The following LRRK1 variants were observed in gnomAD, a reference collection of about 807,000 sequenced individuals.
The protein encoded by LRRK1 is leucine rich repeat kinase 1, also known as leucine-rich repeat serine/threonine-protein kinase 1.
In LRRK1, 113 loss-of-function variants were observed where a neutral mutation model predicts 209.1. That is an observed-to-expected ratio of 0.54 (90% confidence interval 0.46 to 0.63). The LOEUF (loss-of-function observed/expected upper bound fraction) is 0.63, where lower values mean the gene tolerates loss of function less well. Among genes scored for constraint, LRRK1 ranks in the 30% least tolerant of loss-of-function variants. LRRK1 has a pLI of 0.00. For synonymous variants in LRRK1, 1,144 were observed against 1,099.7 expected (o/e 1.04, Z -0.80); for missense variants, 2,284 against 2,632.2 (o/e 0.87, Z 2.89).
rs1251610090 is a variant in LRRK1, at chr15:101,077,450, T to C, written c.*8602T>C. On this transcript the variant is annotated 3_prime_UTR_variant, in exon 34 of 34. Coordinates refer to ENST00000388948, the MANE Select transcript of LRRK1 (RefSeq NM_024652.6). ...GAACTCTTAAATACATAATCTTTGC[T>C]GGCAGGACTATGCTGAACCTCCTTT... The C allele has an allele frequency of 1.3e-5, 2 of 152,242 alleles. No homozygotes were observed. The highest frequency in any genetic ancestry group is 2.4e-5 in the African/African-American group (1 of 41,458). 9.4% of individuals were successfully genotyped at this position (152,242 alleles called of 1,614,324 possible).
chr15:101,052,070 C>T, intron 24 of LRRK1, 110 bp downstream of exon 24: 1 of 1,303,546 alleles, frequency 7.7e-7, no homozygotes, highest in Non-Finnish European at 1.1e-6. Flanking sequence ...GGGCAGGTGC[C>T]CCGGCCATGG....
At chr15:101,028,251 C>T (rs555099412) in intron 19 of LRRK1, among the ~76,000 whole-genome samples, 1 of 152,230 alleles carries the variant, frequency 6.6e-6, no homozygotes, top group Non-Finnish European at 1.5e-5. Context: ...AGTACAGAAC[C>T]TTGTTTTATG....
At chr15:100,960,893 G>A (rs953582952) in intron 2 of LRRK1, among the ~76,000 whole-genome samples, 5 of 152,094 alleles carry the variant, frequency 3.3e-5, no homozygotes, top group Non-Finnish European at 5.9e-5. Flanking sequence ...TTTCCTCTCC[G>A]TTTTTTCCAT....
At chr15:100,944,933 CCT>C (rs1295509069) in intron 2 of LRRK1, among the ~76,000 whole-genome samples, 5 of 152,062 alleles carry the variant, frequency 3.3e-5, no homozygotes, top group Non-Finnish European at 7.4e-5. Flanking sequence ...TGATTTTTCC[CCT>C]CTTTTACACA....
intron 20 of LRRK1, chr15:101,043,673 C>G (rs530893381): frequency 6.6e-6 from 1 of 152,224 alleles, no homozygotes; most frequent in South Asian, 2.1e-4. Context: ...CAGGTCCTCA[C>G]CAAGGCTTAT....
At position 101,051,847 on chromosome 15, in the gene LRRK1, C is replaced by T. The variant is rs760991902; in HGVS notation, c.3576C>T (p.Asp1192=). The T allele has an allele frequency of 1.2e-6, 2 of 1,614,180 alleles. No individual in the cohort carries two copies. The highest frequency in any genetic ancestry group is 1.7e-5 in the Admixed American group (1 of 60,038). ...SEDVQYFDME[D]CVLTAIERDF... is the part of the protein sequence containing the mutation. ...ATGTGCAGTACTTCGACATGGAAGA[C>T]TGTGTCCTGACGGCCATCGAGCGGG... The change falls in exon 24 of 34, where the codon GAC becomes GAT. Residue 1192 remains aspartate (D), a synonymous_variant. Coordinates refer to ENST00000388948, the MANE Select transcript of LRRK1 (RefSeq NM_024652.6).
intron 4 of LRRK1, among the ~76,000 whole-genome samples, chr15:100,986,073 G>A (rs551541602): frequency 2.7e-4 from 41 of 152,286 alleles, no homozygotes; most frequent in African/African-American, 9.4e-4. Context: ...AGGCATGGTG[G>A]CACATGCCTA....
At chr15:100,990,917 C>T (rs2032129861) in intron 6 of LRRK1, among the ~76,000 whole-genome samples, 3 of 152,116 alleles carry the variant, frequency 2.0e-5, no homozygotes, top group Non-Finnish European at 2.9e-5. Context: ...AATTTTATTT[C>T]AGTATTCTCC....
chr15:101,013,116 GTC>G (rs2033351439), intron 10 of LRRK1, among the ~76,000 whole-genome samples: 1 of 151,566 alleles, frequency 6.6e-6, no homozygotes. Flanking sequence ...CAGGGAATGT[GTC>G]TGCTCGAGGT....
intron 32 of LRRK1, 105 bp from the exon 33 acceptor site, chr15:101,066,535 G>A (rs2036538587): frequency 2.0e-6 from 2 of 1,011,424 alleles, no homozygotes; most frequent in Non-Finnish European, 1.5e-6. Flanking sequence ...AGCAGAAACT[G>A]CATGTCTGTT....
chr15:100,984,963 C>T (rs2031792180), intron 4 of LRRK1, among the ~76,000 whole-genome samples: 3 of 152,272 alleles, frequency 2.0e-5, no homozygotes, highest in South Asian at 4.2e-4. Flanking sequence ...GCCCACGTTA[C>T]GTTTAATACT....
intron 33 of LRRK1, 119 bp from the exon 34 acceptor site, chr15:101,068,552 C>A: frequency 9.6e-7 from 1 of 1,041,108 alleles, no homozygotes; most frequent in Non-Finnish European, 1.4e-6. Flanking sequence ...GGCTGGCAAG[C>A]AGACACACTC....
Position 101,072,077 on chromosome 15 carries a change from T to G in LRRK1, c.*3229T>G, listed in dbSNP as rs2036829224. 1.3e-5 allele frequency: 2 copies of G among 152,166 alleles called. No homozygotes were observed. Among genetic ancestry groups the G allele is most frequent in the Non-Finnish European group, 2.9e-5 (2 of 68,036 alleles). The allele number at this position is 152,166 out of a possible 1,614,324, so 9.4% of individuals were successfully genotyped here. ...AGCTCCTGGCAGTTTTAAGCAGGATTATTAGATGATTCAGTCAACTTTACA... is the reference window on the plus strand; with the variant it reads ...AGCTCCTGGCAGTTTTAAGCAGGATGATTAGATGATTCAGTCAACTTTACA... On this transcript the variant is annotated 3_prime_UTR_variant, in exon 34 of 34. Coordinates refer to ENST00000388948, the MANE Select transcript of LRRK1 (RefSeq NM_024652.6).
intron 17 of LRRK1, among the ~76,000 whole-genome samples, chr15:101,026,782 G>T (rs992544960): frequency 3.3e-5 from 5 of 152,244 alleles, no homozygotes; most frequent in Non-Finnish European, 5.9e-5. Flanking sequence ...ATGGCTCTCA[G>T]ATTCCCTCGC....
chr15:101,024,235 A>G lies in LRRK1; in HGVS notation c.2068-568A>G, dbSNP rs1004249668. Among the ~76,000 whole-genome samples the G allele has an allele frequency of 1.3e-5, 2 of 152,232 alleles. No homozygotes were observed. The highest frequency in any genetic ancestry group is 4.8e-5 in the African/African-American group (2 of 41,460). On this transcript the variant is annotated intron_variant, in intron 15 of 33. Transcript: ENST00000388948. This position sits in a 1 kb window ranked among gnomAD's most constrained non-coding sequence, Gnocchi z 4.6. ...CCTCACAGAGATGACTCCTTTCTGT[A>G]GAAAACTGCAGCCTTAGCATCCAGG...
intron 2 of LRRK1, among the ~76,000 whole-genome samples, chr15:100,962,694 C>A (rs1269141830): frequency 2.7e-5 from 4 of 148,410 alleles, no homozygotes; most frequent in Non-Finnish European, 5.9e-5. Flanking sequence ...AAATAATAGA[C>A]TGTATGTATT....
chr15:100,940,314 C>T (rs1018496001), intron 2 of LRRK1, among the ~76,000 whole-genome samples: 1 of 152,166 alleles, frequency 6.6e-6, no homozygotes, highest in African/African-American at 2.4e-5. Context: ...GACTAGTATC[C>T]TGTCACTTCT....
At chr15:100,992,819 A>C (rs1567219964) in intron 6 of LRRK1, among the ~76,000 whole-genome samples, 1 of 152,050 alleles carries the variant, frequency 6.6e-6, no homozygotes, top group Non-Finnish European at 1.5e-5. Flanking sequence ...CAGGTGTGCA[A>C]CACCACACCA....
At chr15:100,933,174 C>T (rs1304137297) in intron 2 of LRRK1, among the ~76,000 whole-genome samples, 1 of 152,224 alleles carries the variant, frequency 6.6e-6, no homozygotes, top group East Asian at 1.9e-4. Flanking sequence ...AATCCTCTGC[C>T]TTTGGAACCT....
Sources: gnomAD v4.1 joint callset for allele counts (sites outside exome capture counted in the v4.1 genomes callset) on GRCh38, gnomAD v4.1.1 for gene constraint, Gnocchi (gnomAD v3.1) non-coding constraint, MANE v1.5 for transcripts, NCBI Gene and HGNC (gene_info 2026-07-23, HGNC 2026-07-21) for gene names.